Variants in METTL22 observed in about 807,000 individuals in gnomAD.
The protein encoded by METTL22 is methyltransferase 22, Kin17 lysine.
Under a neutral mutation model 48.4 loss-of-function variants are expected in METTL22, and 51 were observed. That is an observed-to-expected ratio of 1.05 (90% CI 0.84 to 1.33). METTL22 has a LOEUF of 1.33. Ranked by LOEUF, METTL22 falls within the 40% of genes most tolerant of loss-of-function variation. METTL22 has a pLI of 0.00. For missense variants in METTL22, 678 were observed against 526.9 expected (o/e 1.29, Z -2.81); for synonymous variants, 255 against 214.1 (o/e 1.19, Z -1.67).
intron 3 of METTL22, among the ~76,000 whole-genome samples, chr16:8,633,319 G>C (rs764130370): frequency 6.6e-6 from 1 of 152,114 alleles, no homozygotes; most frequent in Admixed American, 6.5e-5. Flanking sequence ...AGCTAGAAAA[G>C]GCCGGGCACG....
chr16:8,628,738 T>A lies in METTL22; in HGVS notation c.142T>A (p.Ser48Thr). The change falls in exon 3 of 11, where the codon TCC becomes ACC. Residue 48 changes from serine (S) to threonine (T), a missense_variant. Ser to Thr is a moderately conservative substitution (Grantham distance 58). Transcript: ENST00000381920. ...TCTGTCTTGCCTTTCAGTTTTCCTGTCCCAATTCAAGCTTCTATGGAGCCA... is the reference window on the plus strand; with the variant it reads ...TCTGTCTTGCCTTTCAGTTTTCCTGACCCAATTCAAGCTTCTATGGAGCCA... Reference protein sequence around the residue: ...LNSVGQPVFLSQFKLLWSQDS... With the variant: ...LNSVGQPVFLTQFKLLWSQDS... 6.2e-7 allele frequency: 1 copy of A among 1,604,988 alleles called. No individual in the cohort carries two copies. The highest frequency in any genetic ancestry group is 8.5e-7 in the Non-Finnish European group (1 of 1,174,610).
chr16:8,625,616 T>A lies in METTL22; in HGVS notation c.-50T>A, dbSNP rs1295422921. 1 of 1,607,994 alleles carries A rather than the reference T, an allele frequency of 6.2e-7. No individual in the cohort carries two copies. Among genetic ancestry groups the A allele is most frequent in the Non-Finnish European group, 8.5e-7 (1 of 1,176,664 alleles). On this transcript the variant is annotated 5_prime_UTR_variant, in exon 2 of 11. Transcript: ENST00000381920. ...TGGGACCTGCCATGCTGAGGACCCA[T>A]TCTCACCTCTGAGGGACTCCTGTCC...
At chr16:8,632,202 G>C (rs541512554) in intron 3 of METTL22, 1 of 152,116 alleles carries the variant, frequency 6.6e-6, no homozygotes, top group Non-Finnish European at 1.5e-5. Context: ...CCAGGGAGTT[G>C]CACAGCATCC....
intron 9 of METTL22, 115 bp downstream of exon 9, chr16:8,642,680 G>A (rs1280633029): frequency 3.1e-6 from 3 of 973,164 alleles, no homozygotes; most frequent in Non-Finnish European, 4.9e-6. Flanking sequence ...CACTTATTGA[G>A]CACCTACTAT....
chr16:8,634,985 T>C lies in METTL22; in HGVS notation c.515-54T>C, dbSNP rs2056376807. Reference sequence around the variant, plus strand: ...GCCACACTGTCCTGTCTTGTGGTTTTCTGTCCATCCCCATTTCACAGTGGG... The same window carrying C: ...GCCACACTGTCCTGTCTTGTGGTTTCCTGTCCATCCCCATTTCACAGTGGG... On this transcript the variant is annotated intron_variant, in intron 3 of 10. Transcript: ENST00000381920. The C allele has an allele frequency of 1.9e-6, 3 of 1,611,500 alleles. No individual in the cohort carries two copies. In the East Asian group the frequency reaches 6.7e-5, roughly 36 times the overall value.
chr16:8,631,083 G>C (rs2056244279), intron 3 of METTL22, among the ~76,000 whole-genome samples: 1 of 152,198 alleles, frequency 6.6e-6, no homozygotes, highest in Admixed American at 6.5e-5. Context: ...GTGAGCGCCA[G>C]GAGCAGGGCC....
downstream of METTL22, among the ~76,000 whole-genome samples, chr16:8,651,821 A>T (rs1641087): frequency 6.6e-6 from 1 of 152,136 alleles, no homozygotes; most frequent in Non-Finnish European, 1.5e-5. Flanking sequence ...CAATGAGAAC[A>T]CAAGGACATA....
Position 8,642,455 on chromosome 16 carries a change from T to C in METTL22, c.908-8T>C, listed in dbSNP as rs1486412210. On this transcript the variant is annotated splice_region_variant and splice_polypyrimidine_tract_variant and intron_variant, in intron 8 of 10. Coordinates refer to ENST00000381920, the MANE Select transcript of METTL22 (RefSeq NM_024109.4). ...TTCCTCTAATGCTGGCCTTTTTGCT[T>C]CCCACAGTGTTTTACGACGACGACT... 6.2e-7 allele frequency: 1 copy of C among 1,613,740 alleles called. No individual in the cohort carries two copies. Among genetic ancestry groups the C allele is most frequent in the Non-Finnish European group, 8.5e-7 (1 of 1,179,732 alleles).
Position 8,644,707 on chromosome 16 carries a change from C to T in METTL22, c.1161C>T (p.Tyr387=), listed in dbSNP as rs767486142. The T allele has an allele frequency of 2.5e-6, 4 of 1,592,380 alleles. No individual in the cohort carries two copies. Among genetic ancestry groups the T allele is most frequent in the East Asian group, 2.3e-5 (1 of 44,112 alleles). ...VEASFPQLLV[Y]ERLQQLELWK... ...CCTCCTTCCCACAGCTCCTGGTTTACGAGCGCCTCCAGCAACTGGTAGGTC... is the reference window on the plus strand; with the variant it reads ...CCTCCTTCCCACAGCTCCTGGTTTATGAGCGCCTCCAGCAACTGGTAGGTC... The change falls in exon 10 of 11, where the codon TAC becomes TAT. Residue 387 remains tyrosine, a synonymous_variant. Coordinates refer to ENST00000381920, the MANE Select transcript of METTL22 (RefSeq NM_024109.4).
intron 1 of METTL22, among the ~76,000 whole-genome samples, chr16:8,622,679 G>T (rs2055894771): frequency 6.6e-6 from 1 of 151,948 alleles, no homozygotes; most frequent in South Asian, 2.1e-4. Context: ...CTTATTGAAC[G>T]TTTACTATAT....
intron 3 of METTL22, among the ~76,000 whole-genome samples, chr16:8,632,455 T>C (rs1731055): frequency 0.99 from 150,435 of 152,354 alleles, 74,304 homozygotes; most frequent in Middle Eastern, 1. Flanking sequence ...ATCCTCCTGC[T>C]TTAGCCTTCC....
intron 9 of METTL22, among the ~76,000 whole-genome samples, chr16:8,643,451 A>G (rs1231109117): frequency 6.6e-6 from 1 of 152,170 alleles, no homozygotes; most frequent in Non-Finnish European, 1.5e-5. Flanking sequence ...TCTTCTTGAG[A>G]CACACACTGA....
intron 3 of METTL22, among the ~76,000 whole-genome samples, chr16:8,632,443 C>T (rs546987837): frequency 5.3e-5 from 8 of 152,296 alleles, no homozygotes; most frequent in African/African-American, 1.9e-4. Flanking sequence ...TGGCTTCAGG[C>T]GATCCTCCTG....
At position 8,629,087 on chromosome 16, in the gene METTL22, G is replaced by A. The variant is rs1596336939; in HGVS notation, c.491G>A (p.Ser164Asn). 5 of 1,613,474 alleles carry A rather than the reference G, an allele frequency of 3.1e-6. No homozygotes were observed. The highest frequency in any genetic ancestry group is 4.2e-6 in the Non-Finnish European group (5 of 1,179,980). ...GTCCTGGGAGAGGAAGCACAAGGCAGCCCGCACGATATCATCAGAATAGGT... is the reference window on the plus strand; with the variant it reads ...GTCCTGGGAGAGGAAGCACAAGGCAACCCGCACGATATCATCAGAATAGGT... ...DDVLGEEAQG[S>N]PHDIIRIEHT... Residue 164 changes from serine to asparagine, a missense_variant, in exon 3 of 11, where the codon AGC becomes AAC. Transcript: ENST00000381920.
chr16:8,642,620 C>T, intron 9 of METTL22, 55 bp downstream of exon 9: 3 of 1,500,294 alleles, frequency 2.0e-6, no homozygotes, highest in Non-Finnish European at 2.8e-6. Flanking sequence ...GCGGAACTCT[C>T]ACCTCCTAAT....
the METTL22 span, among the ~76,000 whole-genome samples, chr16:8,655,825 T>A: frequency 6.6e-6 from 1 of 152,252 alleles, no homozygotes; most frequent in Non-Finnish European, 1.5e-5. Flanking sequence ...GTTCAATCTA[T>A]TATCCACCTA....
chr16:8,642,734 A>C, intron 9 of METTL22, 169 bp downstream of exon 9: 1 of 681,098 alleles, frequency 1.5e-6, no homozygotes, highest in Non-Finnish European at 2.6e-6. Context: ...ACTGCACTGA[A>C]TCTGCATCCT....
chr16:8,664,699 G>A, the METTL22 span, among the ~76,000 whole-genome samples: 23 of 151,958 alleles, frequency 1.5e-4, no homozygotes, highest in Non-Finnish European at 2.6e-4. Context: ...GGGCTCAAGT[G>A]ATCTTCCCAC....
intron 8 of METTL22, 39 bp from the exon 9 acceptor site, chr16:8,642,424 C>G: frequency 6.3e-7 from 1 of 1,575,166 alleles, no homozygotes; most frequent in Non-Finnish European, 8.7e-7. Flanking sequence ...GTAATATTTG[C>G]GTGTTTTCCT....
Sources: gnomAD v4.1 joint callset for allele counts (sites outside exome capture counted in the v4.1 genomes callset) on GRCh38, gnomAD v4.1.1 for gene constraint, MANE v1.5 for transcripts, NCBI Gene and HGNC (gene_info 2026-07-23, HGNC 2026-07-21) for gene names.